The following ADAMTS19 variants were observed in gnomAD, a reference collection of about 807,000 sequenced individuals.
ADAMTS19 encodes A disintegrin and metalloproteinase with thrombospondin motifs 19.
ADAMTS19 carries 93 observed loss-of-function variants against 153.3 expected under a neutral mutation model. The observed-to-expected ratio is 0.61, with a 90% confidence interval of 0.51 to 0.72. ADAMTS19 has a LOEUF of 0.72. Ranked by LOEUF, ADAMTS19 falls within the 30% of genes least tolerant of loss-of-function variation. ADAMTS19 has a pLI of 0.00. For synonymous variants in ADAMTS19, 600 were observed against 556.6 expected (o/e 1.08, Z -1.10); for missense variants, 1,482 against 1,552.1 (o/e 0.95, Z 0.76).
rs982119819 is a variant in ADAMTS19 at position 129,461,838 on chromosome 5, C to CCTT, written c.747+84_747+86dup. 1.8e-5 allele frequency: 26 copies of CCTT among 1,439,892 alleles called. No homozygotes were observed. The highest frequency in any genetic ancestry group is 5.5e-5 in the Admixed American group (2 of 36,402). The allele number at this position is 1,439,892 out of a possible 1,614,324, so 89.2% of individuals were successfully genotyped here. The stretch of plus-strand genomic sequence containing the variant: ...CATAGGTCAGGATGATTTGCATGCA[C>CCTT]CTTCTCCCCTTTCAGTGTGCTCCTT... On this transcript the variant is annotated intron_variant, in intron 2 of 22. Transcript: ENST00000274487. The surrounding 1 kb of genome is among the most constrained non-coding windows in gnomAD (Gnocchi z 4.6).
intron 7 of ADAMTS19, among the ~76,000 whole-genome samples, chr5:129,585,781 T>C (rs939813338): frequency 2.0e-5 from 3 of 152,212 alleles, no homozygotes; most frequent in Admixed American, 6.5e-5. Flanking sequence ...CAGATTCTTA[T>C]TTGTTATAAA....
chr5:129,506,047 C>A (rs1369544902), intron 2 of ADAMTS19, among the ~76,000 whole-genome samples: 2 of 152,146 alleles, frequency 1.3e-5, no homozygotes, highest in African/African-American at 4.8e-5. Flanking sequence ...GGCACTTGTG[C>A]AGAAAGGTTA....
chr5:129,566,698 G>C (rs907097345), intron 7 of ADAMTS19, among the ~76,000 whole-genome samples: 1 of 152,096 alleles, frequency 6.6e-6, no homozygotes, highest in Non-Finnish European at 1.5e-5. Context: ...GAGAAAGTAG[G>C]AGAAGCCCTT....
intron 14 of ADAMTS19, among the ~76,000 whole-genome samples, chr5:129,656,065 T>A (rs1282473747): frequency 2.3e-4 from 35 of 152,204 alleles, no homozygotes; most frequent in Admixed American, 2.3e-3. Flanking sequence ...TTTCTTAAAT[T>A]GTGCATGTCA....
intron 2 of ADAMTS19, among the ~76,000 whole-genome samples, chr5:129,471,691 C>G (rs1340634724): frequency 6.6e-6 from 1 of 151,978 alleles, no homozygotes; most frequent in Non-Finnish European, 1.5e-5. Flanking sequence ...TTTTTCTTAT[C>G]CTTTCCCTCC....
At position 129,615,452 on chromosome 5, in the gene ADAMTS19, C is replaced by T. The variant is rs530238225; in HGVS notation, c.1479-5166C>T. 7.2e-5 allele frequency among the ~76,000 whole-genome samples: 11 copies of T among 152,104 alleles called. No individual in the cohort carries two copies. The South Asian group carries it at 2.3e-3, about 32-fold the overall frequency. On this transcript the variant is annotated intron_variant, in intron 8 of 22. Transcript: ENST00000274487. ...AAATGCCATTTCTTAGACCTTACCT[C>T]TAAATATTCTATTTTAATTCGTTGG...
intron 21 of ADAMTS19, among the ~76,000 whole-genome samples, chr5:129,707,036 A>C (rs1426461751): frequency 6.6e-6 from 1 of 152,210 alleles, no homozygotes; most frequent in Non-Finnish European, 1.5e-5. Context: ...CAACAAATAC[A>C]GTTGACCCCT....
At chr5:129,540,947 G>A (rs1030692496) in intron 6 of ADAMTS19, among the ~76,000 whole-genome samples, 2 of 151,928 alleles carry the variant, frequency 1.3e-5, no homozygotes, top group South Asian at 2.1e-4. Flanking sequence ...GAATCCACAT[G>A]ATCAAAGGTC....
intron 2 of ADAMTS19, among the ~76,000 whole-genome samples, chr5:129,492,137 G>A (rs1001987085): frequency 3.3e-5 from 5 of 152,200 alleles, no homozygotes; most frequent in African/African-American, 1.2e-4. Context: ...GGCAGAAGGT[G>A]AAGGGCAGCA....
At chr5:129,677,696 C>T (rs1374195044) in intron 16 of ADAMTS19, among the ~76,000 whole-genome samples, 4 of 152,126 alleles carry the variant, frequency 2.6e-5, no homozygotes, top group Non-Finnish European at 5.9e-5. Context: ...TAATCCAAGC[C>T]ACCATTACTT....
At chr5:129,518,811 A>G (rs1424091991) in intron 3 of ADAMTS19, among the ~76,000 whole-genome samples, 3 of 152,040 alleles carry the variant, frequency 2.0e-5, no homozygotes, top group Non-Finnish European at 4.4e-5. Context: ...CTTTAAGGCC[A>G]ATAACTCTTA....
rs533165456 is a variant in ADAMTS19, at chr5:129,515,745, G to T, written c.913+6503G>T. On this transcript the variant is annotated intron_variant, in intron 3 of 22. Coordinates refer to ENST00000274487, the MANE Select transcript of ADAMTS19 (RefSeq NM_133638.6). ...CATTATCAGCAAACAAGGATAATTT[G>T]ACTTCTTCCTTTCCAATTTAGATGC... Among the ~76,000 whole-genome samples, 156 of 152,010 alleles carry T rather than the reference G, an allele frequency of 1.0e-3. 2 individuals carry two copies. The highest frequency in any genetic ancestry group is 3.7e-3 in the African/African-American group (152 of 41,510).
chr5:129,582,675 C>G (rs551981291), intron 7 of ADAMTS19, among the ~76,000 whole-genome samples: 91 of 152,154 alleles, frequency 6.0e-4, no homozygotes, highest in African/African-American at 2.0e-3. Flanking sequence ...CAGGTTCATG[C>G]CATTCTCCTG....
chr5:129,615,896 T>C lies in ADAMTS19; in HGVS notation c.1479-4722T>C, dbSNP rs548108304. Among the ~76,000 whole-genome samples, 7 of 152,092 alleles carry C rather than the reference T, an allele frequency of 4.6e-5. No individual in the cohort carries two copies. In the South Asian group the frequency reaches 1.0e-3, roughly 23 times the overall value. ...CAGTAGATAATACACTCTTTGAATG[T>C]AGGAACTGAGTCTTACTTATCTTTT... On this transcript the variant is annotated intron_variant, in intron 8 of 22. Coordinates refer to ENST00000274487, the MANE Select transcript of ADAMTS19 (RefSeq NM_133638.6).
chr5:129,518,146 T>C (rs1325025166), intron 3 of ADAMTS19, among the ~76,000 whole-genome samples: 1 of 152,116 alleles, frequency 6.6e-6, no homozygotes, highest in Non-Finnish European at 1.5e-5. Flanking sequence ...ATCTTTGTAC[T>C]GACTATGTCT....
chr5:129,610,344 G>T (rs750553964), intron 8 of ADAMTS19, among the ~76,000 whole-genome samples: 1 of 151,944 alleles, frequency 6.6e-6, no homozygotes, highest in African/African-American at 2.4e-5. Flanking sequence ...CAATGTGCAG[G>T]TTTGTTACAT....
chr5:129,659,262 A>T (rs777345616), intron 15 of ADAMTS19, among the ~76,000 whole-genome samples: 2 of 152,196 alleles, frequency 1.3e-5, no homozygotes, highest in Non-Finnish European at 2.9e-5. Context: ...GATTAATAGC[A>T]GAGTTCATCC....
chr5:129,482,104 G>C (rs549009388), intron 2 of ADAMTS19, among the ~76,000 whole-genome samples: 3 of 152,146 alleles, frequency 2.0e-5, no homozygotes. Flanking sequence ...GGAATTATAG[G>C]AAATTTTGAT....
At chr5:129,510,556 G>A (rs1458817444) in intron 3 of ADAMTS19, among the ~76,000 whole-genome samples, 9 of 151,344 alleles carry the variant, frequency 5.9e-5, no homozygotes, top group East Asian at 2.0e-4. Flanking sequence ...GTAGCATTAC[G>A]AACAAGCAAA....
Sources: gnomAD v4.1 joint callset for allele counts (sites outside exome capture counted in the v4.1 genomes callset) on GRCh38, gnomAD v4.1.1 for gene constraint, Gnocchi (gnomAD v3.1) non-coding constraint, MANE v1.5 for transcripts, NCBI Gene and HGNC (gene_info 2026-07-23, HGNC 2026-07-21) for gene names.